Variants in DHX8 observed in about 807,000 individuals in gnomAD.
The protein encoded by DHX8 is DEAH-box helicase 8, also known as ATP-dependent RNA helicase DHX8.
In DHX8, 67 loss-of-function variants were observed where a neutral mutation model predicts 140.7. The observed-to-expected ratio is 0.48, with a 90% confidence interval of 0.39 to 0.58. DHX8 has a LOEUF of 0.58. Ranked by LOEUF, DHX8 falls within the 20% of genes least tolerant of loss-of-function variation. The pLI is 0.00. For missense variants in DHX8, 887 were observed against 1,550.7 expected, an observed-to-expected ratio of 0.57 and a Z score of 7.19; for synonymous variants, 533 against 553.2, an observed-to-expected ratio of 0.96 and a Z score of 0.51.
At chr17:43,529,990 T>C, downstream of DHX8, 3 of 1,611,648 alleles carry the variant, frequency 1.9e-6, no homozygotes, top group Non-Finnish European at 2.5e-6. Flanking sequence ...GATCTGGGGG[T>C]TCACCGATGA....
downstream of DHX8, chr17:43,526,263 A>G (rs1482498309): frequency 1.5e-6 from 2 of 1,317,890 alleles, no homozygotes; most frequent in Non-Finnish European, 1.9e-6. Context: ...TGTGGGTCTC[A>G]TGCAGAGAGC....
At position 43,541,003 on chromosome 17, in the gene DHX8, A is replaced by T. The variant is rs188039457; in HGVS notation, c.*21-3159A>T. The stretch of plus-strand genomic sequence containing the variant: ...CGTCACTGGTGCTGGAGAGCAGAGA[A>T]CCCTCAGCATCATCTTGCCTTTCTT... On this transcript the variant is annotated intron_variant, in intron 3 of 3. Coordinates refer to the DHX8 transcript ENST00000589898. Among the ~76,000 whole-genome samples, 17 of 152,166 alleles carry T rather than the reference A, an allele frequency of 1.1e-4. No homozygotes were observed. The East Asian group carries it at 3.3e-3, about 29-fold the overall frequency.
At chr17:43,501,505 C>T (rs915834269) in intron 11 of DHX8, among the ~76,000 whole-genome samples, 17 of 152,102 alleles carry the variant, frequency 1.1e-4, no homozygotes, top group African/African-American at 2.7e-4. Flanking sequence ...GTTTCTGAGA[C>T]AGAGTTTTGC....
chr17:43,525,808 A>G, downstream of DHX8: 1 of 985,452 alleles, frequency 1.0e-6, no homozygotes, highest in Non-Finnish European at 1.2e-6. Flanking sequence ...CCCATTCAGA[A>G]ACACTCCTGG....
At chr17:43,528,860 T>C (rs1302954421), downstream of DHX8, 2 of 792,088 alleles carry the variant, frequency 2.5e-6, no homozygotes, top group Admixed American at 2.6e-5. Flanking sequence ...CTCGGGGCAT[T>C]TCTCTCCCAT....
chr17:43,493,532 G>T lies in DHX8; in HGVS notation c.951G>T (p.Gln317His), dbSNP rs775097707. The change falls in exon 7 of 23, where the codon CAG becomes CAT. Residue 317 changes from glutamine (Q) to histidine (H), a missense_variant. By Grantham distance (24) the Gln-to-His change is conservative. This residue lies in a region of DHX8 where 98 missense variants were observed against 152.7 expected (regional missense o/e 0.64). Transcript: ENST00000262415. ...TAGCTGATGTCGTGAGCAAAGGCCA[G>T]AGGGTCAAAGTCAAAGTGCTGTCCT... ...ANVADVVSKG[Q>H]RVKVKVLSFT... 6.2e-7 allele frequency: 1 copy of T among 1,614,086 alleles called. No homozygotes were observed. Among genetic ancestry groups the T allele is most frequent in the African/African-American group, 1.3e-5 (1 of 74,936 alleles).
chr17:43,489,676 C>T (rs762420727), intron 2 of DHX8, 142 bp downstream of exon 2: 11 of 538,110 alleles, frequency 2.0e-5, no homozygotes, highest in Admixed American at 6.8e-5. Context: ...CTGCAAGCTC[C>T]GCCTCCCGGG....
intron 18 of DHX8, chr17:43,518,787 C>A (rs191131470): frequency 1.3e-5 from 2 of 152,248 alleles, no homozygotes; most frequent in Admixed American, 6.5e-5. Context: ...GGTAACTACT[C>A]TTCTACTTTT....
chr17:43,527,867 T>C (rs1970664918), downstream of DHX8: 1 of 230,116 alleles, frequency 4.3e-6, no homozygotes, highest in Non-Finnish European at 8.6e-6. Context: ...GGGGCCTTTA[T>C]TAAGGTCTGG....
In DHX8 at chr17:43,507,817, G is replaced by A. The variant is rs9893972; in HGVS notation, c.2118G>A (p.Gln706=). ...VLFGLLKKTV[Q]KRQDMKLIVT... ...ATAATATTTCTCTTCAGACAGTTCAGAAACGGCAGGACATGAAGCTGATTG... is the reference window on the plus strand; with the variant it reads ...ATAATATTTCTCTTCAGACAGTTCAAAAACGGCAGGACATGAAGCTGATTG... The change falls in exon 15 of 23, where the codon CAG becomes CAA. Residue 706 remains glutamine, a synonymous_variant. Transcript: ENST00000262415. The A allele has an allele frequency of 6.2e-7, 1 of 1,614,200 alleles. No homozygotes were observed. Among genetic ancestry groups the A allele is most frequent in the Non-Finnish European group, 8.5e-7 (1 of 1,180,046 alleles).
At chr17:43,517,577 TAGG>T (rs774936769) in intron 18 of DHX8, 6 of 424,692 alleles carry the variant, frequency 1.4e-5, no homozygotes, top group Non-Finnish European at 2.5e-5. Context: ...AGGTTCTAGT[TAGG>T]AGCATTTTCT....
downstream of DHX8, chr17:43,530,524 A>G: frequency 1.0e-6 from 1 of 990,884 alleles, no homozygotes; most frequent in Non-Finnish European, 1.3e-6. Context: ...CCGGGGAAAG[A>G]GTTCGGTGTC....
chr17:43,498,971 T>A lies in DHX8; in HGVS notation c.1398+12T>A. 6.4e-7 allele frequency: 1 copy of A among 1,573,318 alleles called. No homozygotes were observed. Among genetic ancestry groups the A allele is most frequent in the South Asian group, 1.2e-5 (1 of 85,198 alleles). ...TTAAAATTGTCAAGGTGAGAATTACTGGACCTTTAACCTGGAAATGTCAAG... is the reference window on the plus strand; with the variant it reads ...TTAAAATTGTCAAGGTGAGAATTACAGGACCTTTAACCTGGAAATGTCAAG... On this transcript the variant is annotated intron_variant, in intron 10 of 22. Transcript: ENST00000262415.
chr17:43,517,836 AGCT>A (rs1183594332), intron 18 of DHX8: 2 of 152,650 alleles, frequency 1.3e-5, no homozygotes, highest in Admixed American at 1.3e-4. Context: ...TGGCAGGAGG[AGCT>A]GTATGAGTAA....
At chr17:43,500,639 C>T (rs1186547903) in intron 11 of DHX8, among the ~76,000 whole-genome samples, 2 of 151,356 alleles carry the variant, frequency 1.3e-5, no homozygotes, top group South Asian at 2.1e-4. Context: ...GTTATTCTAG[C>T]GCGGTGTCTC....
chr17:43,542,129 G>C (rs1971555507), intron 3 of DHX8, among the ~76,000 whole-genome samples: 1 of 152,194 alleles, frequency 6.6e-6, no homozygotes, highest in Admixed American at 6.5e-5. Context: ...TTGGAGGAGG[G>C]TTGGGGAGCA....
At chr17:43,536,113 G>A (rs1277839136) in intron 2 of DHX8, among the ~76,000 whole-genome samples, 1 of 145,494 alleles carries the variant, frequency 6.9e-6, no homozygotes, top group African/African-American at 2.5e-5. Flanking sequence ...TCTGTCTTGG[G>A]GGGAAAACAA....
At position 43,525,597 on chromosome 17, in the gene DHX8, G is replaced by A. The variant is rs1481702054; in HGVS notation, c.*1750G>A. 2.0e-6 allele frequency: 2 copies of A among 985,514 alleles called. No individual in the cohort carries two copies. The highest frequency in any genetic ancestry group is 1.7e-5 in the African/African-American group (1 of 57,344). 61.0% of individuals were successfully genotyped at this position (985,514 alleles called of 1,614,324 possible). A position where few individuals can be genotyped will look rare whatever the true frequency, so the allele number is the denominator to read the frequency against. ...TACAGGGACCTCAAATGAAACCAAA[G>A]GGGAAACGGGGACTGGGCACCCACC... On this transcript the variant is annotated 3_prime_UTR_variant, in exon 23 of 23. Coordinates refer to ENST00000262415, the MANE Select transcript of DHX8 (RefSeq NM_004941.3).
chr17:43,501,532 G>A (rs1359189638), intron 11 of DHX8, among the ~76,000 whole-genome samples: 1 of 152,146 alleles, frequency 6.6e-6, no homozygotes, highest in Non-Finnish European at 1.5e-5. Context: ...TGCCTAGGCT[G>A]GAGTGCAACA....
Sources: gnomAD v4.1 joint callset for allele counts (sites outside exome capture counted in the v4.1 genomes callset) on GRCh38, gnomAD v4.1.1 for gene constraint, gnomAD v4.1.1 regional missense constraint, MANE v1.5 for transcripts, NCBI Gene and HGNC (gene_info 2026-07-23, HGNC 2026-07-21) for gene names.